The following RPGRIP1 variants were observed in gnomAD, a reference collection of about 807,000 sequenced individuals.
RPGRIP1 encodes RPGR interacting protein 1, also known as X-linked retinitis pigmentosa GTPase regulator-interacting protein 1.
RPGRIP1 carries 128 observed loss-of-function variants against 157.9 expected under a neutral mutation model. The observed-to-expected ratio is 0.81, with a 90% confidence interval of 0.70 to 0.94. The LOEUF is 0.94. Ranked by LOEUF, RPGRIP1 falls within the 40% of genes least tolerant of loss-of-function variation. The pLI, the probability that RPGRIP1 is intolerant of heterozygous loss-of-function variation, is 0.00. For synonymous variants in RPGRIP1, 554 were observed against 571.6 expected, an observed-to-expected ratio of 0.97 and a Z score of 0.44; for missense variants, 1,486 against 1,545.8, an observed-to-expected ratio of 0.96 and a Z score of 0.65.
At chr14:21,330,822 A>G (rs954995608) in intron 20 of RPGRIP1, among the ~76,000 whole-genome samples, 10 of 152,172 alleles carry the variant, frequency 6.6e-5, no homozygotes, top group African/African-American at 2.4e-4. Flanking sequence ...TACAAGTGTG[A>G]TGGTTGGGTT....
chr14:21,301,714 AATAATAAT>A (rs1881041306), intron 4 of RPGRIP1, among the ~76,000 whole-genome samples: 1 of 115,914 alleles, frequency 8.6e-6, no homozygotes, highest in Non-Finnish European at 1.8e-5. Context: ...TAATAATAAT[AATAATAAT>A]AAAAAATTAG....
Position 21,321,301 on chromosome 14 carries a change from G to A in RPGRIP1, c.1510G>A (p.Val504Met), listed in dbSNP as rs776115949. ...KNQEEKKLSQ[V>M]LNELQVSHAE... ...CCAAGAAGAAAAGAAACTGTCCCAGGTGCTAAATGAGTTGCAAGTATCACA... is the reference window on the plus strand; with the variant it reads ...CCAAGAAGAAAAGAAACTGTCCCAGATGCTAAATGAGTTGCAAGTATCACA... The change falls in exon 13 of 25, where the codon GTG becomes ATG. Residue 504 changes from valine to methionine, a missense_variant. By Grantham distance (21) the Val-to-Met change is conservative (BLOSUM62 1). Coordinates refer to ENST00000400017, the MANE Select transcript of RPGRIP1 (RefSeq NM_020366.4). The A allele has an allele frequency of 6.2e-7, 1 of 1,613,926 alleles. No individual in the cohort carries two copies. The highest frequency in any genetic ancestry group is 8.5e-7 in the Non-Finnish European group (1 of 1,179,850).
Position 21,317,805 on chromosome 14 carries a change from C to G in RPGRIP1, c.1261C>G (p.Leu421Val), listed in dbSNP as rs752135941. The stretch of plus-strand genomic sequence containing the variant: ...GCTGCAGGATCAGCTGGATGCTGAG[C>G]TGGAGGACAAGAGAAAAGTTTTACT... ...SQLQDQLDAE[L>V]EDKRKVLLEL... The change falls in exon 11 of 25, where the codon CTG (leucine) becomes GTG (valine). Residue 421 changes from leucine to valine, a missense_variant. Coordinates refer to ENST00000400017, the MANE Select transcript of RPGRIP1 (RefSeq NM_020366.4). 2 of 1,605,700 alleles carry G rather than the reference C, an allele frequency of 1.2e-6. No homozygotes were observed. The highest frequency in any genetic ancestry group is 8.5e-7 in the Non-Finnish European group (1 of 1,176,254).
rs556868884 is a variant in RPGRIP1, at chr14:21,339,760, A to G, written c.3340-3276A>G. Among the ~76,000 whole-genome samples, 7 of 152,276 alleles carry G rather than the reference A, an allele frequency of 4.6e-5. No homozygotes were observed. In the South Asian group the frequency reaches 1.4e-3, roughly 32 times the overall value. ...CTCTCTCGGGCTTCACAGCAGCCTT[A>G]TGAGTTATTCTTTCCTTCAAGTAAT... On this transcript the variant is annotated intron_variant, in intron 21 of 24. Coordinates refer to ENST00000400017, the MANE Select transcript of RPGRIP1 (RefSeq NM_020366.4).
chr14:21,348,761 G>T (rs1396417337), intron 24 of RPGRIP1, among the ~76,000 whole-genome samples: 1 of 149,178 alleles, frequency 6.7e-6, no homozygotes, highest in Non-Finnish European at 1.5e-5. Flanking sequence ...TGCCTCCCAG[G>T]TTCCAGCTGT....
intron 1 of RPGRIP1, among the ~76,000 whole-genome samples, chr14:21,281,958 G>A (rs1444375720): frequency 1.3e-5 from 2 of 152,128 alleles, no homozygotes; most frequent in South Asian, 2.1e-4. Context: ...AGCTGGGCAT[G>A]GTGGCAGGTG....
intron 17 of RPGRIP1, among the ~76,000 whole-genome samples, chr14:21,327,060 A>C (rs1336696774): frequency 2.0e-5 from 3 of 152,056 alleles, no homozygotes; most frequent in African/African-American, 4.8e-5. Context: ...ATATTTAACA[A>C]GATTCTGGAT....
chr14:21,315,233 C>T (rs1250849788), intron 10 of RPGRIP1, among the ~76,000 whole-genome samples: 1 of 151,884 alleles, frequency 6.6e-6, no homozygotes, highest in East Asian at 1.9e-4. Context: ...CCAGGCTGTG[C>T]GCGGTGGCTC....
At position 21,344,862 on chromosome 14, in the gene RPGRIP1, C is replaced by T. The variant is rs556153550; in HGVS notation, c.3533-251C>T. On this transcript the variant is annotated intron_variant, in intron 22 of 24. Coordinates refer to ENST00000400017, the MANE Select transcript of RPGRIP1 (RefSeq NM_020366.4). Reference sequence around the variant, plus strand: ...TCGGGAGGCTGAGGCAGGAGAATCGCTTGAACTTGGGAGATGGAGACTGCG... The same window carrying T: ...TCGGGAGGCTGAGGCAGGAGAATCGTTTGAACTTGGGAGATGGAGACTGCG... Among the ~76,000 whole-genome samples, 4 of 152,230 alleles carry T rather than the reference C, an allele frequency of 2.6e-5. 1 individual carries two copies. Among genetic ancestry groups the T allele is most frequent in the African/African-American group, 9.6e-5 (4 of 41,530 alleles).
chr14:21,283,851 G>A (rs564543800), intron 1 of RPGRIP1, among the ~76,000 whole-genome samples: 2 of 149,758 alleles, frequency 1.3e-5, no homozygotes, highest in Non-Finnish European at 1.5e-5. Flanking sequence ...GGCTAGTCTC[G>A]AACTCCTGGC....
At chr14:21,321,215 T>C in intron 12 of RPGRIP1, 44 bp from the exon 13 acceptor site, 3 of 1,566,102 alleles carry the variant, frequency 1.9e-6, no homozygotes, top group Non-Finnish European at 2.6e-6. Flanking sequence ...TTACTTTACC[T>C]GTCATATTTA....
chr14:21,297,618 A>C (rs772464613), intron 3 of RPGRIP1, among the ~76,000 whole-genome samples: 1 of 152,162 alleles, frequency 6.6e-6, no homozygotes, highest in Non-Finnish European at 1.5e-5. Context: ...GAACATACCA[A>C]CAGTTGAGCA....
intron 24 of RPGRIP1, among the ~76,000 whole-genome samples, chr14:21,350,725 A>G (rs1886171326): frequency 6.6e-6 from 1 of 152,190 alleles, no homozygotes; most frequent in Admixed American, 6.5e-5. Flanking sequence ...GCATAAGGCA[A>G]GTGACGTTAT....
At chr14:21,311,760 T>G (rs1399857756) in intron 8 of RPGRIP1, 64 bp from the exon 9 acceptor site, 1 of 1,365,270 alleles carries the variant, frequency 7.3e-7, no homozygotes, top group Non-Finnish European at 1.0e-6. Flanking sequence ...GGGTTGCTGG[T>G]GTCTGGAGAC....
At chr14:21,350,813 G>T (rs557561916) in intron 24 of RPGRIP1, among the ~76,000 whole-genome samples, 85 of 152,222 alleles carry the variant, frequency 5.6e-4, no homozygotes, top group African/African-American at 2.0e-3. Flanking sequence ...CATGCCATTT[G>T]TATGTGCACA....
At position 21,321,968 on chromosome 14, in the gene RPGRIP1, G is replaced by A. The variant is rs1448903303; in HGVS notation, c.1726G>A (p.Glu576Lys). The A allele has an allele frequency of 4.3e-6, 7 of 1,613,606 alleles. No individual in the cohort carries two copies. The highest frequency in any genetic ancestry group is 5.9e-6 in the Non-Finnish European group (7 of 1,179,810). The change falls in exon 14 of 25, where the codon GAA becomes AAA. Residue 576 changes from glutamate to lysine, a missense_variant. By Grantham distance (56) the Glu-to-Lys change is moderately conservative. Transcript: ENST00000400017. ...DLKNNRIKQL[E>K]GILRSHDLPT... ...CAAGAATAACCGTATCAAGCAGCTG[G>A]AAGGTATTTTAAGAAGCCATGACCT...
chr14:21,331,000 C>G (rs1487708093), intron 20 of RPGRIP1, among the ~76,000 whole-genome samples: 4 of 151,846 alleles, frequency 2.6e-5, no homozygotes, highest in African/African-American at 9.7e-5. Context: ...AGCTCTGCCT[C>G]CTGGGTTCAA....
chr14:21,322,006 C>G lies in RPGRIP1; in HGVS notation c.1762+2C>G. On this transcript the variant is annotated splice_donor_variant, in intron 14 of 24. Transcript: ENST00000400017. LOFTEE classifies it high-confidence loss of function. ...GAAGCCATGACCTTCCAACATCTGGCAAGTCTTAGTCCTTTGTTCTCCTCA... is the reference window on the plus strand; with the variant it reads ...GAAGCCATGACCTTCCAACATCTGGGAAGTCTTAGTCCTTTGTTCTCCTCA... The G allele has an allele frequency of 6.2e-7, 1 of 1,611,456 alleles. No individual in the cohort carries two copies. Among genetic ancestry groups the G allele is most frequent in the Non-Finnish European group, 8.5e-7 (1 of 1,178,874 alleles).
chr14:21,294,745 C>A lies in RPGRIP1; in HGVS notation c.154C>A (p.Arg52=), dbSNP rs192003551. 6.2e-7 allele frequency: 1 copy of A among 1,610,396 alleles called. No homozygotes were observed. Among genetic ancestry groups the A allele is most frequent in the Middle Eastern group, 1.7e-4 (1 of 6,048 alleles). ...NREELEDSFF[R]LREDHMLVKE... is the part of the protein sequence containing the mutation. Reference sequence around the variant, plus strand: ...GGAGGAATTGGAGGACAGTTTCTTTCGACTTCGCGAAGATCACATGTTGGT... The same window carrying A: ...GGAGGAATTGGAGGACAGTTTCTTTAGACTTCGCGAAGATCACATGTTGGT... The change falls in exon 3 of 25, where the codon CGA becomes AGA. Residue 52 remains arginine (R), a synonymous_variant. Transcript: ENST00000400017.
Sources: gnomAD v4.1 joint callset for allele counts (sites outside exome capture counted in the v4.1 genomes callset) on GRCh38, gnomAD v4.1.1 for gene constraint, MANE v1.5 for transcripts, NCBI Gene and HGNC (gene_info 2026-07-23, HGNC 2026-07-21) for gene names.